The following CREB5 variants were observed in gnomAD, a reference collection of about 807,000 sequenced individuals.
CREB5 encodes cyclic AMP-responsive element-binding protein 5.
In CREB5, 19 loss-of-function variants were observed where a neutral mutation model predicts 57.1. That is an observed-to-expected ratio of 0.33 (90% CI 0.23 to 0.49). CREB5 has a LOEUF of 0.49. CREB5 is among the 20% of genes least tolerant of loss of function. CREB5 has a pLI of 0.99. For synonymous variants in CREB5, 238 were observed against 238.3 expected, an observed-to-expected ratio of 1.00 and a Z score of 0.01; for missense variants, 579 against 671.6, an observed-to-expected ratio of 0.86 and a Z score of 1.52.
intron 1 of CREB5, among the ~76,000 whole-genome samples, chr7:28,428,843 G>A (rs550179264): frequency 7.2e-5 from 11 of 152,088 alleles, no homozygotes; most frequent in Admixed American, 3.3e-4. Context: ...CCCCAGCCAC[G>A]CTGGGATATC....
chr7:28,693,283 G>A (rs1025434658), intron 5 of CREB5, among the ~76,000 whole-genome samples: 2 of 152,214 alleles, frequency 1.3e-5, no homozygotes, highest in Admixed American at 6.5e-5. Flanking sequence ...TCGTCTTAAC[G>A]GGAAAATAGG....
At chr7:28,458,873 C>A (rs13437706) in intron 1 of CREB5, among the ~76,000 whole-genome samples, 1 of 152,072 alleles carries the variant, frequency 6.6e-6, no homozygotes, top group Non-Finnish European at 1.5e-5. Context: ...GAGTCCTGCA[C>A]GAGCCATGAA....
chr7:28,701,552 A>T (rs1468562653), intron 5 of CREB5, among the ~76,000 whole-genome samples: 1 of 152,194 alleles, frequency 6.6e-6, no homozygotes, highest in Non-Finnish European at 1.5e-5. Context: ...TTTAAAATCT[A>T]TAATTCTTAC....
At chr7:28,804,098 A>C in intron 7 of CREB5, 101 bp from the exon 8 acceptor site, 1 of 1,097,548 alleles carries the variant, frequency 9.1e-7, no homozygotes, top group Non-Finnish European at 1.3e-6. Context: ...ATAGCATCGT[A>C]AAATATAGAA....
intron 7 of CREB5, among the ~76,000 whole-genome samples, chr7:28,763,985 T>C (rs1369746207): frequency 6.6e-6 from 1 of 151,928 alleles, no homozygotes; most frequent in Non-Finnish European, 1.5e-5. Context: ...GTATTTTTTG[T>C]AGAGAGAGGG....
intron 1 of CREB5, among the ~76,000 whole-genome samples, chr7:28,422,540 G>C (rs1788313495): frequency 6.6e-6 from 1 of 152,142 alleles, no homozygotes; most frequent in African/African-American, 2.4e-5. Flanking sequence ...ATATTCATGA[G>C]AAGGTTCATG....
At chr7:28,627,523 C>T (rs1798046712) in intron 5 of CREB5, among the ~76,000 whole-genome samples, 1 of 152,180 alleles carries the variant, frequency 6.6e-6, no homozygotes, top group South Asian at 2.1e-4. Flanking sequence ...AATTAATCTT[C>T]TGGCTTAAAT....
At chr7:28,598,842 A>C (rs1796799048) in intron 5 of CREB5, among the ~76,000 whole-genome samples, 1 of 152,190 alleles carries the variant, frequency 6.6e-6, no homozygotes, top group Non-Finnish European at 1.5e-5. Flanking sequence ...GTTTAAAGTA[A>C]GGCAGAATTA....
chr7:28,328,504 T>C (rs1336019604), intron 1 of CREB5, among the ~76,000 whole-genome samples: 1 of 152,234 alleles, frequency 6.6e-6, no homozygotes, highest in African/African-American at 2.4e-5. Flanking sequence ...TGGCCATGTT[T>C]CCACCTGGCT....
At position 28,378,440 on chromosome 7, in the gene CREB5, A is replaced by T. The variant is rs531497220; in HGVS notation, c.-25+78999A>T. Among the ~76,000 whole-genome samples, 46 of 151,620 alleles carry T rather than the reference A, an allele frequency of 3.0e-4. 1 individual carries two copies. The highest frequency in any genetic ancestry group is 2.4e-3 in the Admixed American group (37 of 15,196). ...ATATGTACCCTAAAACTTAAAGTAT[A>T]AAAAAAAACTCTTTTTAATTTTAGT... On this transcript the variant is annotated intron_variant, in intron 1 of 9. Coordinates refer to the CREB5 transcript ENST00000396299.
chr7:28,415,799 A>C (rs1431990418), intron 1 of CREB5, among the ~76,000 whole-genome samples: 2 of 152,318 alleles, frequency 1.3e-5, no homozygotes, highest in African/African-American at 4.8e-5. Context: ...ATATTATTTA[A>C]AGTTAAAATA....
At position 28,581,025 on chromosome 7, in the gene CREB5, T is replaced by C. The variant is rs576518258; in HGVS notation, c.464+10488T>C. ...TGAAAGTTAATTTTTTTCATGACAC[T>C]GTGTTCCTCTAATTAAAAATAGAAA... is the stretch of plus-strand genomic sequence containing the variant. On this transcript the variant is annotated intron_variant, in intron 5 of 10. Transcript: ENST00000357727. 7.9e-5 allele frequency among the ~76,000 whole-genome samples: 12 copies of C among 152,284 alleles called. No homozygotes were observed. The South Asian group carries it at 2.3e-3, about 29-fold the overall frequency.
intron 1 of CREB5, among the ~76,000 whole-genome samples, chr7:28,467,251 A>G (rs1261969649): frequency 6.6e-6 from 1 of 152,204 alleles, no homozygotes; most frequent in African/African-American, 2.4e-5. Flanking sequence ...GGGCAGAGGA[A>G]GAATTGCCTG....
chr7:28,549,560 G>C (rs535019406), intron 4 of CREB5, among the ~76,000 whole-genome samples: 1 of 152,256 alleles, frequency 6.6e-6, no homozygotes, highest in African/African-American at 2.4e-5. Context: ...CTTATGTTCA[G>C]GATAGCATTT....
chr7:28,722,859 C>T (rs1235628122), intron 6 of CREB5, among the ~76,000 whole-genome samples: 1 of 152,178 alleles, frequency 6.6e-6, no homozygotes, highest in African/African-American at 2.4e-5. Flanking sequence ...TGAGAGAAAG[C>T]TTTTAGCTAG....
intron 1 of CREB5, among the ~76,000 whole-genome samples, chr7:28,472,496 T>C (rs1239911048): frequency 2.0e-5 from 3 of 152,184 alleles, no homozygotes. Context: ...GCAACTACAG[T>C]GCTGGCCGGT....
intron 1 of CREB5, among the ~76,000 whole-genome samples, chr7:28,361,894 A>C (rs1786493040): frequency 6.6e-6 from 1 of 152,100 alleles, no homozygotes; most frequent in Non-Finnish European, 1.5e-5. Context: ...TCTAATTGTA[A>C]TTTTCCCACT....
intron 4 of CREB5, among the ~76,000 whole-genome samples, chr7:28,548,529 G>T (rs1468026236): frequency 6.6e-6 from 1 of 152,178 alleles, no homozygotes; most frequent in African/African-American, 2.4e-5. Context: ...CATTGATGGG[G>T]CCAAACGAAT....
chr7:28,415,149 C>A (rs1386449682), intron 1 of CREB5, among the ~76,000 whole-genome samples: 1 of 152,086 alleles, frequency 6.6e-6, no homozygotes, highest in Non-Finnish European at 1.5e-5. Flanking sequence ...TTGAAAACTA[C>A]CAGGCTGGCG....
Sources: gnomAD v4.1 joint callset for allele counts (sites outside exome capture counted in the v4.1 genomes callset) on GRCh38, gnomAD v4.1.1 for gene constraint, MANE v1.5 for transcripts, NCBI Gene and HGNC (gene_info 2026-07-23, HGNC 2026-07-21) for gene names.